The following EPS8 variants were observed in gnomAD, a reference collection of about 807,000 sequenced individuals.
EPS8 encodes the protein EGFR pathway substrate 8, signaling adaptor.
A neutral mutation model predicts 103.8 loss-of-function variants in EPS8; 42 were observed. That is an observed-to-expected ratio of 0.40 (90% CI 0.32 to 0.52). EPS8 has a LOEUF of 0.52. Among genes scored for constraint, EPS8 ranks in the 20% least tolerant of loss-of-function variants. The pLI, the probability that EPS8 is intolerant of heterozygous loss-of-function variation, is 0.40. For synonymous variants in EPS8, 344 were observed against 344.6 expected (o/e 1.00, Z 0.02); for missense variants, 969 against 1,005.1 (o/e 0.96, Z 0.49).
At position 15,777,118 on chromosome 12, in the gene EPS8, A is replaced by G. The variant is rs1430855728; in HGVS notation, c.-22+12043T>C. 6.6e-6 allele frequency among the ~76,000 whole-genome samples: 1 copy of G among 152,210 alleles called. No homozygotes were observed. Among genetic ancestry groups the G allele is most frequent in the Non-Finnish European group, 1.5e-5 (1 of 68,034 alleles). On this transcript the variant is annotated intron_variant, in intron 1 of 20. Coordinates refer to ENST00000281172, the MANE Select transcript of EPS8 (RefSeq NM_004447.6). This position sits in a 1 kb window ranked among gnomAD's most constrained non-coding sequence, Gnocchi z 4.7. ...AGATGGAGGAAGGACATTGGAGGTA[A>G]GATGAAGTCACTTTTATATCTATTT...
chr12:15,642,019 T>A (rs1297855671), intron 15 of EPS8, among the ~76,000 whole-genome samples, 189 bp from the exon 16 acceptor site: 2 of 152,036 alleles, frequency 1.3e-5, no homozygotes, highest in Admixed American at 6.6e-5. Flanking sequence ...ATGAACAAAT[T>A]ATGGCCAGGG....
rs541838389 is a variant in EPS8, at chr12:15,773,749, A to G, written c.-22+15412T>C. ...AGCATATGACATGAATCAAATGCAT[A>G]TCATAGGAAGAAGAAAGAAGTTCCT... On this transcript the variant is annotated intron_variant, in intron 1 of 20. Coordinates refer to ENST00000281172, the MANE Select transcript of EPS8 (RefSeq NM_004447.6). Among the ~76,000 whole-genome samples, 22 of 152,278 alleles carry G rather than the reference A, an allele frequency of 1.4e-4. 1 individual carries two copies. In the South Asian group the frequency reaches 3.7e-3, roughly 26 times the overall value.
intron 1 of EPS8, chr12:15,683,873 T>A (rs1946049857): frequency 6.6e-6 from 1 of 152,206 alleles, no homozygotes; most frequent in African/African-American, 2.4e-5. Flanking sequence ...GAATTTTGTC[T>A]TTTCAAATAT....
At chr12:15,659,882 A>C (rs1414471264) in intron 10 of EPS8, among the ~76,000 whole-genome samples, 1 of 152,224 alleles carries the variant, frequency 6.6e-6, no homozygotes, top group East Asian at 1.9e-4. Context: ...TTTTGTGATA[A>C]AAAATTCAAA....
At chr12:15,661,965 G>T in intron 9 of EPS8, 61 bp downstream of exon 9, 1 of 1,201,728 alleles carries the variant, frequency 8.3e-7, no homozygotes, top group Non-Finnish European at 1.2e-6. Context: ...ATTTTCTTAT[G>T]AAGTTTTCTT....
chr12:15,681,693 G>A (rs927579096), intron 2 of EPS8, among the ~76,000 whole-genome samples: 3 of 128,312 alleles, frequency 2.3e-5, no homozygotes, highest in African/African-American at 9.1e-5. Flanking sequence ...TCGCGCTATT[G>A]CACTCCAGCC....
intron 4 of EPS8, 37 bp downstream of exon 4, chr12:15,670,819 G>T (rs1277865707): frequency 1.4e-6 from 2 of 1,399,750 alleles, no homozygotes; most frequent in Non-Finnish European, 2.0e-6. Context: ...TTCCTCAAGG[G>T]TCACTCTAAA....
At chr12:15,634,755 A>G in intron 17 of EPS8, 1 of 398,792 alleles carries the variant, frequency 2.5e-6, no homozygotes, top group South Asian at 1.3e-4. Flanking sequence ...CAGCTCGCCA[A>G]GTAATTGCTA....
At chr12:15,685,986 T>G (rs1390550146) in intron 1 of EPS8, among the ~76,000 whole-genome samples, 1 of 152,188 alleles carries the variant, frequency 6.6e-6, no homozygotes, top group African/African-American at 2.4e-5. Context: ...ACTACATAAT[T>G]CTGCTGAAAG....
At chr12:15,750,527 T>C (rs1041448632) in intron 1 of EPS8, among the ~76,000 whole-genome samples, 4 of 152,158 alleles carry the variant, frequency 2.6e-5, no homozygotes, top group Non-Finnish European at 5.9e-5. Context: ...ATGGACAATG[T>C]TAGAGTCCAG....
rs2136062777 is a variant in EPS8, at chr12:15,787,358, T to TA, written c.-22+1802dup. ...GGTATCTGAAAAGAATCAGTATTGA[T>TA]AAAACCTTGAAAGCAGGAAAAAGCT... On this transcript the variant is annotated intron_variant, in intron 1 of 20. Coordinates refer to ENST00000281172, the MANE Select transcript of EPS8 (RefSeq NM_004447.6). The surrounding 1 kb of genome is among the most constrained non-coding windows in gnomAD (Gnocchi z 4.9). Among the ~76,000 whole-genome samples, 1 of 152,188 alleles carries TA rather than the reference T, an allele frequency of 6.6e-6. No homozygotes were observed. Among genetic ancestry groups the TA allele is most frequent in the African/African-American group, 2.4e-5 (1 of 41,536 alleles).
intron 1 of EPS8, among the ~76,000 whole-genome samples, chr12:15,730,677 C>T (rs998077704): frequency 6.6e-6 from 1 of 152,156 alleles, no homozygotes; most frequent in Non-Finnish European, 1.5e-5. Flanking sequence ...GTATTTGCTT[C>T]CTGTTTTCCT....
In EPS8 at chr12:15,757,466, TA is replaced by T. The variant is rs1555128025; in HGVS notation, c.-22+31694del. Among the ~76,000 whole-genome samples the T allele has an allele frequency of 1.3e-5, 2 of 151,758 alleles. No homozygotes were observed. Among genetic ancestry groups the T allele is most frequent in the South Asian group, 2.1e-4 (1 of 4,802 alleles). On this transcript the variant is annotated intron_variant, in intron 1 of 20. Transcript: ENST00000281172. This position sits in a 1 kb window ranked among gnomAD's most constrained non-coding sequence, Gnocchi z 4.1. ...CAACACGGTGAAACCTCATCTCTACTAAAAAATACAAAAATTAGCTAGGCGT... is the reference window on the plus strand; with the variant it reads ...CAACACGGTGAAACCTCATCTCTACTAAAAATACAAAAATTAGCTAGGCGT...
intron 1 of EPS8, among the ~76,000 whole-genome samples, chr12:15,709,022 C>T (rs1402290474): frequency 1.3e-5 from 2 of 152,212 alleles, no homozygotes; most frequent in African/African-American, 4.8e-5. Flanking sequence ...GTTTAGATTT[C>T]CAGTTGATCC....
chr12:15,630,718 G>A (rs1015868187), intron 18 of EPS8, among the ~76,000 whole-genome samples: 3 of 152,188 alleles, frequency 2.0e-5, no homozygotes, highest in Non-Finnish European at 2.9e-5. Flanking sequence ...AGGTTATGAT[G>A]ATGATGATGA....
rs950683872 is a variant in EPS8, at chr12:15,700,062, C to A, written c.-21-17090G>T. Among the ~76,000 whole-genome samples, 1 of 152,054 alleles carries A rather than the reference C, an allele frequency of 6.6e-6. No homozygotes were observed. Among genetic ancestry groups the A allele is most frequent in the African/African-American group, 2.4e-5 (1 of 41,400 alleles). On this transcript the variant is annotated intron_variant, in intron 1 of 20. Transcript: ENST00000281172. The surrounding 1 kb of genome is among the most constrained non-coding windows in gnomAD (Gnocchi z 5.1). ...CGTAGCTACTCTGGAGGCTGAGGCA[C>A]AAGAATTGTTTGAACACAGGAGGCG...
intron 13 of EPS8, 114 bp downstream of exon 13, chr12:15,654,031 T>A (rs1292398843): frequency 9.7e-7 from 1 of 1,033,958 alleles, no homozygotes. Context: ...GTTTAGGTTT[T>A]TTCATCCTAT....
At position 15,666,505 on chromosome 12, in the gene EPS8, T is replaced by C; in HGVS notation, c.534A>G (p.Glu178=). 8 of 1,613,768 alleles carry C rather than the reference T, an allele frequency of 5.0e-6. No individual in the cohort carries two copies. Among genetic ancestry groups the C allele is most frequent in the Non-Finnish European group, 6.8e-6 (8 of 1,179,704 alleles). ...CDEVKANLIS[E]DIESAISDSK... Reference sequence around the variant, plus strand: ...TGTCACTGATTGCACTTTCAATATCTTCACTAATTAGGTTTGCCTGCAAAG... The same window carrying C: ...TGTCACTGATTGCACTTTCAATATCCTCACTAATTAGGTTTGCCTGCAAAG... The change falls in exon 7 of 21, where the codon GAA becomes GAG. Residue 178 remains glutamate, a synonymous_variant. Transcript: ENST00000281172.
intron 1 of EPS8, among the ~76,000 whole-genome samples, chr12:15,730,565 G>A (rs935835130): frequency 6.6e-6 from 1 of 152,134 alleles, no homozygotes; most frequent in African/African-American, 2.4e-5. Context: ...TAAAAACGAT[G>A]GGACTTTAAG....
Sources: allele counts gnomAD v4.1 joint callset (sites outside exome capture counted in the v4.1 genomes callset), GRCh38; gene constraint gnomAD v4.1.1; non-coding constraint Gnocchi (gnomAD v3.1); transcripts MANE v1.5; gene names NCBI Gene and HGNC (gene_info 2026-07-23, HGNC 2026-07-21).